Variants in SLC35D4 observed in about 807,000 individuals in gnomAD.
SLC35D4 encodes the protein solute carrier family 35 member D4.
the SLC35D4 span, among the ~76,000 whole-genome samples, chr18:23,275,116 A>ATGTGTGTGTGCT: frequency 2.7e-5 from 4 of 145,708 alleles, no homozygotes; most frequent in African/African-American, 1.0e-4. Flanking sequence ...TTGTGTGTGC[A>ATGTGTGTGTGCT]TGTGTGTGTG....
At chr18:23,351,816 C>G in the SLC35D4 span, among the ~76,000 whole-genome samples, 2 of 152,182 alleles carry the variant, frequency 1.3e-5, no homozygotes, top group Admixed American at 6.5e-5. Context: ...AGAGGTTGTT[C>G]TTAGAATAAT....
At chr18:23,410,144 G>A in the SLC35D4 span, among the ~76,000 whole-genome samples, 90 of 152,262 alleles carry the variant, frequency 5.9e-4, no homozygotes, top group African/African-American at 1.4e-3. Context: ...GTGTTTTTGC[G>A]ATATGTAGGA....
chr18:23,382,824 C>T, the SLC35D4 span, among the ~76,000 whole-genome samples: 8 of 152,370 alleles, frequency 5.3e-5, no homozygotes, highest in Non-Finnish European at 1.0e-4. Context: ...TGACAACTGT[C>T]TAAGCCCAGG....
At chr18:23,336,204 C>T in the SLC35D4 span, among the ~76,000 whole-genome samples, 1 of 152,144 alleles carries the variant, frequency 6.6e-6, no homozygotes, top group African/African-American at 2.4e-5. Context: ...TTTCCCCTCC[C>T]ACGTTCCCTG....
At chr18:23,292,978 G>A in the SLC35D4 span, among the ~76,000 whole-genome samples, 5 of 152,170 alleles carry the variant, frequency 3.3e-5, no homozygotes, top group African/African-American at 9.7e-5. Context: ...GGTGGCTCAC[G>A]CCTATAATCC....
At chr18:23,309,437 T>C in the SLC35D4 span, among the ~76,000 whole-genome samples, 2 of 152,132 alleles carry the variant, frequency 1.3e-5, no homozygotes, top group East Asian at 1.9e-4. Context: ...TACAGAATGG[T>C]TGGTTTGTAC....
At chr18:23,378,362 T>C in the SLC35D4 span, among the ~76,000 whole-genome samples, 1 of 152,156 alleles carries the variant, frequency 6.6e-6, no homozygotes, top group African/African-American at 2.4e-5. Flanking sequence ...GTTCTGTCTC[T>C]TTAAATATTC....
chr18:23,340,040 T>C, the SLC35D4 span, among the ~76,000 whole-genome samples: 589 of 152,230 alleles, frequency 3.9e-3, 6 homozygotes, highest in African/African-American at 0.013. Flanking sequence ...AATCCCAGTC[T>C]CTCTACCACG....
the SLC35D4 span, among the ~76,000 whole-genome samples, chr18:23,421,041 C>T: frequency 6.6e-6 from 1 of 151,772 alleles, no homozygotes; most frequent in East Asian, 2.0e-4. Context: ...GTCAGGAGTT[C>T]GAGACCAGCC....
the SLC35D4 span, chr18:23,252,831 T>C: frequency 1.3e-5 from 8 of 617,562 alleles, no homozygotes; most frequent in Admixed American, 1.0e-4. Flanking sequence ...CGAGCCCTTG[T>C]TGTAGCTCCA....
the SLC35D4 span, chr18:23,352,179 C>T: frequency 6.3e-7 from 1 of 1,585,736 alleles, no homozygotes; most frequent in Non-Finnish European, 8.6e-7. Flanking sequence ...GAATTTCCCA[C>T]CCCTCTTGTC....
chr18:23,411,513 G>C, the SLC35D4 span, among the ~76,000 whole-genome samples: 1 of 150,354 alleles, frequency 6.7e-6, no homozygotes, highest in Non-Finnish European at 1.5e-5. Context: ...AAGAAAGAAA[G>C]AAAGAAAGAA....
At chr18:23,338,807 A>C in the SLC35D4 span, among the ~76,000 whole-genome samples, 1 of 152,318 alleles carries the variant, frequency 6.6e-6, no homozygotes, top group South Asian at 2.1e-4. Flanking sequence ...ACATGGGACC[A>C]TATCTAAGAA....
At chr18:23,252,918 C>T in the SLC35D4 span, 24 of 1,339,994 alleles carry the variant, frequency 1.8e-5, no homozygotes, top group African/African-American at 2.9e-5. Flanking sequence ...TACATACGAC[C>T]CTTGTTTTAA....
chr18:23,376,823 G>A, the SLC35D4 span: 7 of 456,694 alleles, frequency 1.5e-5, no homozygotes, highest in Non-Finnish European at 2.6e-5. Flanking sequence ...GCCTCAAGCA[G>A]TACCTGATTA....
chr18:23,368,815 A>G, the SLC35D4 span: 2 of 1,040,284 alleles, frequency 1.9e-6, no homozygotes, highest in Non-Finnish European at 2.8e-6. Context: ...ACATAAAATA[A>G]TCATTGTCTT....
At chr18:23,260,861 C>T in the SLC35D4 span, among the ~76,000 whole-genome samples, 1 of 152,090 alleles carries the variant, frequency 6.6e-6, no homozygotes, top group Admixed American at 6.5e-5. Flanking sequence ...TAAAAAGCAG[C>T]TTCCAGTCAT....
the SLC35D4 span, among the ~76,000 whole-genome samples, chr18:23,256,263 C>T: frequency 6.6e-6 from 1 of 152,244 alleles, no homozygotes; most frequent in Non-Finnish European, 1.5e-5. Context: ...GGTTCTCCTT[C>T]CTTTCCAGCT....
the SLC35D4 span, among the ~76,000 whole-genome samples, chr18:23,412,642 C>A: frequency 0.023 from 3,569 of 152,266 alleles, 70 homozygotes; most frequent in Middle Eastern, 0.065. Context: ...CCTAATATTT[C>A]TTGAACCCAA....
Sources: allele counts gnomAD v4.1 joint callset (sites outside exome capture counted in the v4.1 genomes callset), GRCh38; gene constraint gnomAD v4.1.1; transcripts MANE v1.5; gene names NCBI Gene and HGNC (gene_info 2026-07-23, HGNC 2026-07-21).